The following IMMP1L variants were observed in gnomAD, a reference collection of about 807,000 sequenced individuals.
The protein encoded by IMMP1L is mitochondrial inner membrane protease subunit 1.
IMMP1L carries 24 observed loss-of-function variants against 21.8 expected under a neutral mutation model. The observed-to-expected ratio is 1.10, with a 90% CI of 0.80 to 1.55. IMMP1L has a LOEUF of 1.55. Ranked by LOEUF, IMMP1L falls within the 40% of genes most tolerant of loss-of-function variation. The pLI is 0.00. For synonymous variants in IMMP1L, 46 were observed against 62.8 expected, an observed-to-expected ratio of 0.73 and a Z score of 1.26; for missense variants, 195 against 200.7, an observed-to-expected ratio of 0.97 and a Z score of 0.17.
chr11:31,446,008 G>A (rs775961693), intron 4 of IMMP1L, among the ~76,000 whole-genome samples: 1 of 152,132 alleles, frequency 6.6e-6, no homozygotes, highest in Non-Finnish European at 1.5e-5. Flanking sequence ...AATTGCCACA[G>A]TATTAATTTA....
chr11:31,480,890 A>G (rs1954873377), intron 1 of IMMP1L, among the ~76,000 whole-genome samples: 1 of 152,182 alleles, frequency 6.6e-6, no homozygotes, highest in Admixed American at 6.6e-5. Flanking sequence ...TCAGTTTTAA[A>G]TACACTGAGC....
intron 1 of IMMP1L, among the ~76,000 whole-genome samples, chr11:31,501,182 T>C (rs897431674): frequency 1.3e-5 from 2 of 152,188 alleles, no homozygotes; most frequent in South Asian, 2.1e-4. Flanking sequence ...GGTATTACAA[T>C]AGATTATTGT....
intron 1 of IMMP1L, among the ~76,000 whole-genome samples, chr11:31,498,864 A>G (rs555131352): frequency 6.6e-6 from 1 of 152,350 alleles, no homozygotes; most frequent in South Asian, 2.1e-4. Context: ...ACAACATTAC[A>G]GGGACTACAA....
chr11:31,469,067 C>T (rs938386439), intron 1 of IMMP1L, among the ~76,000 whole-genome samples: 1 of 152,092 alleles, frequency 6.6e-6, no homozygotes, highest in African/African-American at 2.4e-5. Flanking sequence ...TTCATAAGCA[C>T]CTTTTTCATG....
intron 3 of IMMP1L, among the ~76,000 whole-genome samples, chr11:31,458,875 T>A (rs573103519): frequency 9.9e-5 from 15 of 152,246 alleles, no homozygotes; most frequent in East Asian, 7.7e-4. Context: ...GTAATTTTTT[T>A]AAAAATATCA....
At chr11:31,506,375 C>G (rs1029044312) in intron 1 of IMMP1L, among the ~76,000 whole-genome samples, 2 of 151,850 alleles carry the variant, frequency 1.3e-5, no homozygotes, top group African/African-American at 4.8e-5. Context: ...ACCACAGAAG[C>G]CCGCCACCAT....
intron 4 of IMMP1L, among the ~76,000 whole-genome samples, chr11:31,455,468 A>G (rs1469709644): frequency 6.6e-6 from 1 of 152,184 alleles, no homozygotes; most frequent in Non-Finnish European, 1.5e-5. Context: ...TCTACTCTTC[A>G]TTCTTCCATT....
intron 2 of IMMP1L, among the ~76,000 whole-genome samples, chr11:31,461,770 C>CA (rs1165731876): frequency 1.3e-5 from 2 of 152,016 alleles, no homozygotes; most frequent in East Asian, 1.9e-4. Context: ...TTCCAAAATC[C>CA]AAAAAAATCT....
chr11:31,462,826 T>C (rs911570825), intron 2 of IMMP1L, among the ~76,000 whole-genome samples: 6 of 152,176 alleles, frequency 3.9e-5, no homozygotes, highest in African/African-American at 1.4e-4. Flanking sequence ...GTGTAAAAGA[T>C]TAAATGAGTT....
At chr11:31,458,868 AT>A (rs530865164) in intron 3 of IMMP1L, among the ~76,000 whole-genome samples, 20 of 152,266 alleles carry the variant, frequency 1.3e-4, no homozygotes, top group African/African-American at 4.8e-4. Flanking sequence ...GCAACGAGTA[AT>A]TTTTTTAAAA....
At chr11:31,489,861 A>G (rs1955199076) in intron 1 of IMMP1L, among the ~76,000 whole-genome samples, 1 of 152,196 alleles carries the variant, frequency 6.6e-6, no homozygotes, top group Non-Finnish European at 1.5e-5. Flanking sequence ...GATCTCAAAA[A>G]TCTTAACAAT....
At chr11:31,439,893 A>G (rs1262499819) in intron 4 of IMMP1L, among the ~76,000 whole-genome samples, 1 of 152,196 alleles carries the variant, frequency 6.6e-6, no homozygotes, top group African/African-American at 2.4e-5. Context: ...AATGTCTCTC[A>G]GCTCTGTGTG....
At chr11:31,492,312 T>G (rs571683957) in intron 1 of IMMP1L, among the ~76,000 whole-genome samples, 1 of 152,310 alleles carries the variant, frequency 6.6e-6, no homozygotes, top group East Asian at 1.9e-4. Context: ...CAAATGTTCT[T>G]CTGCAGCTTC....
chr11:31,443,135 T>C (rs1322988313), intron 4 of IMMP1L, among the ~76,000 whole-genome samples: 7 of 152,196 alleles, frequency 4.6e-5, no homozygotes, highest in Admixed American at 3.9e-4. Context: ...TGCTTAATCA[T>C]GACTTATGTA....
At chr11:31,452,028 C>A in intron 4 of IMMP1L, among the ~76,000 whole-genome samples, 1 of 152,170 alleles carries the variant, frequency 6.6e-6, no homozygotes, top group Non-Finnish European at 1.5e-5. Flanking sequence ...GAGTTGATCA[C>A]TGGAGAGACA....
rs1439807149 is a variant in IMMP1L at position 31,509,607 on chromosome 11, G to C, written c.-118C>G. The C allele has an allele frequency of 1.5e-6, 1 of 662,530 alleles. No individual in the cohort carries two copies. The highest frequency in any genetic ancestry group is 2.9e-5 in the Admixed American group (1 of 34,892). 41.0% of individuals were successfully genotyped at this position (662,530 alleles called of 1,614,324 possible). A position where few individuals can be genotyped will look rare whatever the true frequency, so the allele number is the denominator to read the frequency against. ...CCCCGCCGAAGTCGACCGTCCTTTC[G>C]TAGGGCGCACTTTTCAGCAATACGC... On this transcript the variant is annotated 5_prime_UTR_variant, in exon 1 of 6. Coordinates refer to ENST00000532287, the MANE Select transcript of IMMP1L (RefSeq NM_001304274.2).
intron 4 of IMMP1L, among the ~76,000 whole-genome samples, chr11:31,440,969 A>G (rs773516840): frequency 8.5e-5 from 13 of 152,310 alleles, no homozygotes; most frequent in Non-Finnish European, 1.8e-4. Context: ...GGTTAAATAG[A>G]ATATCTTTCT....
intron 4 of IMMP1L, among the ~76,000 whole-genome samples, chr11:31,443,147 C>T (rs1953398347): frequency 6.6e-6 from 1 of 152,042 alleles, no homozygotes; most frequent in African/African-American, 2.4e-5. Context: ...ACTTATGTAA[C>T]CAAAGTGTGG....
intron 1 of IMMP1L, among the ~76,000 whole-genome samples, chr11:31,468,911 T>C (rs1277468958): frequency 6.6e-6 from 1 of 152,174 alleles, no homozygotes; most frequent in Admixed American, 6.5e-5. Context: ...GTTGCACCAC[T>C]GTACATTTTT....
Sources: allele counts gnomAD v4.1 joint callset (sites outside exome capture counted in the v4.1 genomes callset), GRCh38; gene constraint gnomAD v4.1.1; transcripts MANE v1.5; gene names NCBI Gene and HGNC (gene_info 2026-07-23, HGNC 2026-07-21).